Variants in CAMKK2 observed in about 807,000 individuals in gnomAD.
CAMKK2 encodes calcium/calmodulin dependent protein kinase kinase 2.
In CAMKK2, 30 loss-of-function variants were observed where a neutral mutation model predicts 67.2. The observed-to-expected ratio is 0.45, with a 90% CI of 0.33 to 0.61. The LOEUF is 0.61. CAMKK2 is among the 20% of genes least tolerant of loss of function. The probability of loss-of-function intolerance (pLI) is 0.02; values close to 1 mark genes in which losing one functional copy is unlikely to be tolerated. For synonymous variants in CAMKK2, 322 were observed against 326.2 expected (o/e 0.99, Z 0.14); for missense variants, 643 against 802.0 (o/e 0.80, Z 2.39).
intron 2 of CAMKK2, among the ~76,000 whole-genome samples, chr12:121,272,102 A>G (rs1895892586): frequency 6.6e-6 from 1 of 152,228 alleles, no homozygotes; most frequent in Non-Finnish European, 1.5e-5. Context: ...CAGTCTCCCA[A>G]GTAGCTGGGA....
At chr12:121,244,525 C>G (rs1191086468) in intron 16 of CAMKK2, 48 bp downstream of exon 16, 2 of 1,535,568 alleles carry the variant, frequency 1.3e-6, no homozygotes, top group Non-Finnish European at 1.8e-6. Context: ...GCCCACCCGC[C>G]CCCCTCAGGC....
intron 4 of CAMKK2, among the ~76,000 whole-genome samples, chr12:121,269,064 T>C (rs1317874402): frequency 7.3e-6 from 1 of 137,696 alleles, no homozygotes; most frequent in Non-Finnish European, 1.6e-5. Flanking sequence ...GAGGCTCAGC[T>C]GTTTTACACA....
intron 1 of CAMKK2, among the ~76,000 whole-genome samples, chr12:121,286,476 G>A (rs944990759): frequency 2.6e-5 from 4 of 152,204 alleles, no homozygotes; most frequent in African/African-American, 4.8e-5. Context: ...TTCTAATCCT[G>A]CATCATCTCA....
intron 14 of CAMKK2, among the ~76,000 whole-genome samples, chr12:121,247,430 C>A (rs575203144): frequency 6.6e-6 from 1 of 152,208 alleles, no homozygotes; most frequent in Non-Finnish European, 1.5e-5. Context: ...ACGCTTTCTC[C>A]CAAGAACCCG....
In CAMKK2 at chr12:121,269,532, T is replaced by C. The variant is rs775428439; in HGVS notation, c.569A>G (p.Tyr190Cys). ...KLAYNENDNT[Y>C]YAMKVLSKKK... ...GAGGAGAATGCGGATACTCACATAG[T>C]AGGTATTGTCATTTTCATTGTAGGC... is the stretch of plus-strand genomic sequence containing the variant. The change falls in exon 4 of 17, where the codon TAC (tyrosine) becomes TGC (cysteine). Residue 190 changes from tyrosine to cysteine, a missense_variant. Physicochemically the swap from Tyr to Cys is radical, Grantham distance 194 (BLOSUM62 -2). Coordinates refer to ENST00000404169, the MANE Select transcript of CAMKK2 (RefSeq NM_001270485.2). The C allele has an allele frequency of 1.0e-5, 16 of 1,603,748 alleles. No individual in the cohort carries two copies. The highest frequency in any genetic ancestry group is 1.7e-5 in the Admixed American group (1 of 58,972).
intron 13 of CAMKK2, among the ~76,000 whole-genome samples, chr12:121,249,152 A>C (rs1344886829): frequency 2.6e-5 from 4 of 152,214 alleles, no homozygotes; most frequent in Non-Finnish European, 4.4e-5. Flanking sequence ...CTGGCAGGAC[A>C]GGATCAGGAG....
intron 11 of CAMKK2, among the ~76,000 whole-genome samples, chr12:121,250,530 C>T (rs1890486738): frequency 6.6e-6 from 1 of 152,144 alleles, no homozygotes; most frequent in African/African-American, 2.4e-5. Flanking sequence ...TTGGTCTCTC[C>T]CACCATGCAG....
Position 121,249,792 on chromosome 12 carries a change from T to C in CAMKK2, c.1318A>G (p.Ile440Val), listed in dbSNP as rs1465364364. Residue 440 changes from isoleucine (I) to valine (V), a missense_variant, in exon 13 of 17, where the codon ATC becomes GTC. Coordinates refer to ENST00000404169, the MANE Select transcript of CAMKK2 (RefSeq NM_001270485.2). ...NPESRIVVPE[I>V]KLHPWVTRHG... ...ACAGGCTGAGCCAAGGGTACCTTGA[T>C]TTCCGGCACCACGATCCTCGACTCG... The C allele has an allele frequency of 6.2e-7, 1 of 1,613,788 alleles. No individual in the cohort carries two copies. The highest frequency in any genetic ancestry group is 1.3e-5 in the African/African-American group (1 of 74,876).
At chr12:121,242,843 C>G (rs1055492084) in intron 16 of CAMKK2, among the ~76,000 whole-genome samples, 4 of 151,854 alleles carry the variant, frequency 2.6e-5, no homozygotes, top group African/African-American at 7.3e-5. Flanking sequence ...CCCGGGTTCA[C>G]GCCATTCTCC....
Position 121,240,180 on chromosome 12 carries a change from C to T in CAMKK2, c.*519G>A. On this transcript the variant is annotated 3_prime_UTR_variant, in exon 17 of 17. Coordinates refer to ENST00000404169, the MANE Select transcript of CAMKK2 (RefSeq NM_001270485.2). This position sits in a 1 kb window ranked among gnomAD's most constrained non-coding sequence, Gnocchi z 4.4. ...CAAAGCTCCCTGCAGCTACTGAGGGCCAGCCCTGCTCTGACTCCTTGAGAC... is the reference window on the plus strand; with the variant it reads ...CAAAGCTCCCTGCAGCTACTGAGGGTCAGCCCTGCTCTGACTCCTTGAGAC... 2.0e-6 allele frequency: 1 copy of T among 491,168 alleles called. No homozygotes were observed. The highest frequency in any genetic ancestry group is 3.6e-6 in the Non-Finnish European group (1 of 279,666). 30.4% of individuals were successfully genotyped at this position (491,168 alleles called of 1,614,324 possible).
chr12:121,262,283 C>T (rs575620767), intron 6 of CAMKK2, among the ~76,000 whole-genome samples: 42 of 152,182 alleles, frequency 2.8e-4, no homozygotes, highest in African/African-American at 7.2e-4. Context: ...GAGGCCAAGG[C>T]GGCTGGATCA....
At chr12:121,286,332 T>TA (rs1292306716) in intron 1 of CAMKK2, among the ~76,000 whole-genome samples, 1 of 152,160 alleles carries the variant, frequency 6.6e-6, no homozygotes, top group Admixed American at 6.5e-5. Context: ...CTTTTAATCT[T>TA]AAAACATCAA....
intron 1 of CAMKK2, among the ~76,000 whole-genome samples, chr12:121,290,841 C>T (rs1899857697): frequency 6.6e-6 from 1 of 152,152 alleles, no homozygotes; most frequent in African/African-American, 2.4e-5. Context: ...CTTTTTGACA[C>T]GGAGTCTCGC....
intron 16 of CAMKK2, among the ~76,000 whole-genome samples, chr12:121,242,469 C>G (rs1009753766): frequency 6.6e-6 from 1 of 152,182 alleles, no homozygotes; most frequent in Non-Finnish European, 1.5e-5. Context: ...GGAGGAAGGC[C>G]GAGGAAAGGC....
chr12:121,244,232 G>T, intron 16 of CAMKK2: 1 of 1,177,848 alleles, frequency 8.5e-7, no homozygotes. Context: ...GGACTCGGGG[G>T]GGCACCCATG....
At chr12:121,250,358 G>C (rs1890433275) in intron 11 of CAMKK2, among the ~76,000 whole-genome samples, 1 of 152,178 alleles carries the variant, frequency 6.6e-6, no homozygotes, top group South Asian at 2.1e-4. Context: ...CTTGCCAGGT[G>C]AACAACAGGA....
chr12:121,254,675 G>A (rs1017211214), intron 9 of CAMKK2, among the ~76,000 whole-genome samples: 2 of 152,144 alleles, frequency 1.3e-5, no homozygotes, highest in South Asian at 4.1e-4. Context: ...ACAGTGCCTG[G>A]TGCACATAGA....
intron 2 of CAMKK2, among the ~76,000 whole-genome samples, chr12:121,272,887 A>C (rs73405724): frequency 0.049 from 7,441 of 151,864 alleles, 576 homozygotes; most frequent in African/African-American, 0.17. Context: ...ACAACAACAA[A>C]AAAAAGCCCC....
chr12:121,245,115 C>T lies in CAMKK2; in HGVS notation c.1553+25G>A. 3.3e-6 allele frequency: 5 copies of T among 1,522,568 alleles called. No homozygotes were observed. The highest frequency in any genetic ancestry group is 4.5e-6 in the Non-Finnish European group (5 of 1,113,686). 94.3% of individuals were successfully genotyped at this position (1,522,568 alleles called of 1,614,324 possible). Reference sequence around the variant, plus strand: ...CTAGCCTCCAGCCACCACTCCCCCACCCAAGAAGGCAGGCGGCCACTCACG... The same window carrying T: ...CTAGCCTCCAGCCACCACTCCCCCATCCAAGAAGGCAGGCGGCCACTCACG... On this transcript the variant is annotated intron_variant, in intron 15 of 16. Coordinates refer to ENST00000404169, the MANE Select transcript of CAMKK2 (RefSeq NM_001270485.2). The surrounding 1 kb of genome is among the most constrained non-coding windows in gnomAD (Gnocchi z 5.8).
Sources: allele counts gnomAD v4.1 joint callset (sites outside exome capture counted in the v4.1 genomes callset), GRCh38; gene constraint gnomAD v4.1.1; non-coding constraint Gnocchi (gnomAD v3.1); transcripts MANE v1.5; gene names NCBI Gene and HGNC (gene_info 2026-07-23, HGNC 2026-07-21).